Variants in ANKRD54 observed in about 807,000 individuals in gnomAD.
The protein encoded by ANKRD54 is ankyrin repeat domain 54.
A neutral mutation model predicts 36.2 loss-of-function variants in ANKRD54; 26 were observed. The ratio of observed to expected loss-of-function variants is 0.72; its 90% CI spans 0.53 to 1.00. The LOEUF is 1.00. ANKRD54 is among the 50% of genes least tolerant of loss of function. The probability of loss-of-function intolerance (pLI) is 0.00; values close to 1 mark genes in which losing one functional copy is unlikely to be tolerated. For missense variants in ANKRD54, 384 were observed against 424.3 expected (o/e 0.91, Z 0.83); for synonymous variants, 209 against 188.4 (o/e 1.11, Z -0.89).
intron 1 of ANKRD54, chr22:37,843,563 T>G (rs192945613): frequency 1.7e-4 from 31 of 177,474 alleles, no homozygotes; most frequent in Non-Finnish European, 8.2e-5. Context: ...TGGTACGACT[T>G]GGCTGCAGGC....
upstream of ANKRD54, among the ~76,000 whole-genome samples, chr22:37,845,278 G>A (rs1349310781): frequency 6.6e-6 from 1 of 152,172 alleles, no homozygotes; most frequent in East Asian, 1.9e-4. Context: ...CTAGGTCCTG[G>A]ACACAGGATC....
rs751138184 is a variant in ANKRD54 at position 37,832,626 on chromosome 22, C to T, written c.828+11G>A. 1.2e-6 allele frequency: 2 copies of T among 1,613,576 alleles called. No homozygotes were observed. Among genetic ancestry groups the T allele is most frequent in the South Asian group, 2.2e-5 (2 of 91,072 alleles). ...CCAGGCCCTGGGTCTGGGCCTGTGG[C>T]TGCAGCTCACCTGCTCTTTGGTACT... On this transcript the variant is annotated intron_variant, in intron 7 of 7. Coordinates refer to ENST00000215941, the MANE Select transcript of ANKRD54 (RefSeq NM_138797.4).
Position 37,832,019 on chromosome 22 carries a change from T to C in ANKRD54, c.829-2A>G. The C allele has an allele frequency of 1.2e-6, 2 of 1,612,212 alleles. No homozygotes were observed. The highest frequency in any genetic ancestry group is 1.7e-6 in the Non-Finnish European group (2 of 1,179,246). ...CAGGAGGTCAGTCACTTCATCCACC[T>C]GCAGGACGGAACAGAGGCTCTGTTA... On this transcript the variant is annotated splice_acceptor_variant, in intron 7 of 7. Coordinates refer to ENST00000215941, the MANE Select transcript of ANKRD54 (RefSeq NM_138797.4). LOFTEE classifies it high-confidence loss of function.
At chr22:37,839,532 C>T (rs549765299) in intron 2 of ANKRD54, among the ~76,000 whole-genome samples, 63 of 152,284 alleles carry the variant, frequency 4.1e-4, no homozygotes, top group African/African-American at 1.3e-3. Context: ...GCACTACAGG[C>T]GCCCACCACC....
chr22:37,846,840 T>C (rs1383758600), upstream of ANKRD54, among the ~76,000 whole-genome samples: 1 of 151,906 alleles, frequency 6.6e-6, no homozygotes, highest in Non-Finnish European at 1.5e-5. Context: ...ACTATAAGAT[T>C]TCAGGTAATT....
intron 1 of ANKRD54, among the ~76,000 whole-genome samples, chr22:37,841,531 AACACACACAC>A (rs754859182): frequency 2.1e-5 from 3 of 140,974 alleles, no homozygotes; most frequent in South Asian, 2.2e-4. Context: ...GTCTCACACA[AACACACACAC>A]ACACACACAC....
rs1460971851 is a variant in ANKRD54 at position 37,837,602 on chromosome 22, G to C, written c.475+898C>G. Reference sequence around the variant, plus strand: ...AGCATCCATGGAGTTTGGTATCTGAGTGGGGTCCTGGAACCAATCCCAAGA... The same window carrying C: ...AGCATCCATGGAGTTTGGTATCTGACTGGGGTCCTGGAACCAATCCCAAGA... On this transcript the variant is annotated intron_variant, in intron 3 of 7. Coordinates refer to ENST00000215941, the MANE Select transcript of ANKRD54 (RefSeq NM_138797.4). 2.0e-5 allele frequency among the ~76,000 whole-genome samples: 3 copies of C among 152,220 alleles called. No homozygotes were observed. The South Asian group carries it at 6.2e-4, about 32-fold the overall frequency.
At chr22:37,835,831 G>GT (rs1314845390) in intron 3 of ANKRD54, among the ~76,000 whole-genome samples, 1 of 151,718 alleles carries the variant, frequency 6.6e-6, no homozygotes, top group Non-Finnish European at 1.5e-5. Context: ...CAGAAAACTA[G>GT]TTTTTTTTGT....
chr22:37,845,299 C>A (rs140244974), upstream of ANKRD54, among the ~76,000 whole-genome samples: 839 of 152,258 alleles, frequency 5.5e-3, 5 homozygotes, highest in Admixed American at 9.0e-3. Flanking sequence ...AGACTTGGTG[C>A]CCCTGAGATG....
intron 1 of ANKRD54, among the ~76,000 whole-genome samples, chr22:37,841,554 ACAC>A (rs1569101796): frequency 5.8e-4 from 84 of 145,080 alleles, no homozygotes; most frequent in African/African-American, 2.0e-3. Flanking sequence ...ACACACACAC[ACAC>A]AAAAAACATA....
At chr22:37,846,946 C>T (rs1190987058), upstream of ANKRD54, among the ~76,000 whole-genome samples, 47 of 150,484 alleles carry the variant, frequency 3.1e-4, no homozygotes, top group South Asian at 1.0e-3. Context: ...CTCCGCCTCC[C>T]GGGTTCACGC....
chr22:37,835,134 G>A (rs533255460), intron 3 of ANKRD54, among the ~76,000 whole-genome samples: 34 of 151,934 alleles, frequency 2.2e-4, no homozygotes, highest in African/African-American at 7.2e-4. Context: ...AGGCCAAGGC[G>A]GGTGGATCAT....
upstream of ANKRD54, chr22:37,849,127 C>T (rs575328361): frequency 3.5e-5 from 16 of 450,860 alleles, no homozygotes; most frequent in Admixed American, 2.0e-4. Context: ...GCTGGAATTA[C>T]AGGCATGCGC....
intron 3 of ANKRD54, 32 bp downstream of exon 3, chr22:37,838,468 G>A: frequency 6.3e-7 from 1 of 1,585,522 alleles, no homozygotes; most frequent in Non-Finnish European, 8.6e-7. Context: ...TACTTGCCTA[G>A]CCCTACTCCC....
intron 1 of ANKRD54, among the ~76,000 whole-genome samples, chr22:37,842,254 CA>C (rs1569102553): frequency 6.6e-6 from 1 of 151,990 alleles, no homozygotes; most frequent in African/African-American, 2.4e-5. Context: ...ACTCTCGTCT[CA>C]AAAAAAGAAA....
rs553914646 is a variant in ANKRD54, at chr22:37,833,048, G to A, written c.630C>T (p.Arg210=). Residue 210 remains arginine (R), a synonymous_variant, in exon 6 of 8, where the codon CGC becomes CGT. Coordinates refer to ENST00000215941, the MANE Select transcript of ANKRD54 (RefSeq NM_138797.4). The part of the protein sequence containing the change: ...ARVDALDRAG[R]TPLHLAKSKL... ...TTGACTTGGCCAGGTGCAGGGGTGTGCGACCAGCTCGGTCCAGGGCATCTA... is the reference window on the plus strand; with the variant it reads ...TTGACTTGGCCAGGTGCAGGGGTGTACGACCAGCTCGGTCCAGGGCATCTA... The A allele has an allele frequency of 6.2e-7, 1 of 1,614,002 alleles. No individual in the cohort carries two copies. The highest frequency in any genetic ancestry group is 1.3e-5 in the African/African-American group (1 of 74,986).
chr22:37,838,673 AGAGG>A, intron 2 of ANKRD54, 75 bp from the exon 3 acceptor site: 1 of 1,467,532 alleles, frequency 6.8e-7, no homozygotes, highest in Non-Finnish European at 9.2e-7. Context: ...CGAGCGATGG[AGAGG>A]GAGGCTCAGG....
intron 6 of ANKRD54, 77 bp from the exon 7 acceptor site, chr22:37,832,821 G>C (rs1024886996): frequency 6.2e-7 from 1 of 1,602,246 alleles, no homozygotes; most frequent in African/African-American, 1.3e-5. Context: ...AAAAAGCACA[G>C]TGGAGCAGGT....
chr22:37,834,627 G>A (rs1923290951), intron 3 of ANKRD54: 1 of 130,178 alleles, frequency 7.7e-6, no homozygotes, highest in Admixed American at 9.8e-5. Flanking sequence ...GAGCCCAGAA[G>A]GTCGAGGTTG....
Sources: gnomAD v4.1 joint callset for allele counts (sites outside exome capture counted in the v4.1 genomes callset) on GRCh38, gnomAD v4.1.1 for gene constraint, MANE v1.5 for transcripts, NCBI Gene and HGNC (gene_info 2026-07-23, HGNC 2026-07-21) for gene names.